The following ABL2 variants were observed in gnomAD, a reference collection of about 807,000 sequenced individuals.
The protein encoded by ABL2 is ABL proto-oncogene 2, non-receptor tyrosine kinase, also known as tyrosine-protein kinase ABL2.
A neutral mutation model predicts 107.7 loss-of-function variants in ABL2; 49 were observed. That is an observed-to-expected ratio of 0.45 (90% confidence interval 0.36 to 0.58). The LOEUF (loss-of-function observed/expected upper bound fraction) is 0.58. Among genes scored for constraint, ABL2 ranks in the 20% least tolerant of loss-of-function variants. The pLI, the probability that ABL2 is intolerant of heterozygous loss-of-function variation, is 0.00. For synonymous variants in ABL2, 549 were observed against 548.6 expected (o/e 1.00, Z -0.01); for missense variants, 1,245 against 1,457.0 (o/e 0.85, Z 2.37).
chr1:179,209,913 C>T (rs185214866), intron 1 of ABL2, among the ~76,000 whole-genome samples: 1 of 152,172 alleles, frequency 6.6e-6, no homozygotes, highest in Non-Finnish European at 1.5e-5. Flanking sequence ...TCTCACTCTG[C>T]ACCCAGACTG....
Position 179,103,312 on chromosome 1 carries a change from A to G in ABL2, c.*4406T>C. The G allele has an allele frequency of 4.8e-6, 1 of 206,988 alleles. No homozygotes were observed. The highest frequency in any genetic ancestry group is 7.3e-5 in the East Asian group (1 of 13,608). 12.8% of individuals were successfully genotyped at this position (206,988 alleles called of 1,614,324 possible). A position where few individuals can be genotyped will look rare whatever the true frequency, so the allele number is the denominator to read the frequency against. On this transcript the variant is annotated 3_prime_UTR_variant, in exon 12 of 12. Transcript: ENST00000502732. ...TGACAGAGGTGATTCTTACGTATCT[A>G]CATTTTCAGGTACCCCACAGGGTCC...
intron 1 of ABL2, among the ~76,000 whole-genome samples, chr1:179,155,884 C>T (rs1395020385): frequency 6.6e-6 from 1 of 152,124 alleles, no homozygotes; most frequent in Non-Finnish European, 1.5e-5. Flanking sequence ...GTGTCCTTCC[C>T]TTTGGTTTTT....
intron 3 of ABL2, among the ~76,000 whole-genome samples, chr1:179,130,142 G>A (rs1466247862): frequency 2.0e-5 from 3 of 152,106 alleles, no homozygotes; most frequent in African/African-American, 4.8e-5. Flanking sequence ...GGGTTTCACC[G>A]TGTTGCCCAG....
In ABL2 at chr1:179,100,555, A is replaced by C. The variant is rs1294540536; in HGVS notation, c.*7163T>G. On this transcript the variant is annotated 3_prime_UTR_variant, in exon 12 of 12. Coordinates refer to ENST00000502732, the MANE Select transcript of ABL2 (RefSeq NM_007314.4). ...GCAAATTTAAGCAAGTTCTGACTAC[A>C]CAAACTCCTTATGTTTCCTTTCATA... 4.4e-6 allele frequency: 1 copy of C among 229,294 alleles called. No homozygotes were observed. The highest frequency in any genetic ancestry group is 8.6e-6 in the Non-Finnish European group (1 of 115,674). 14.2% of individuals were successfully genotyped at this position (229,294 alleles called of 1,614,324 possible).
chr1:179,192,581 C>A (rs1292114014), intron 1 of ABL2, among the ~76,000 whole-genome samples: 1 of 152,052 alleles, frequency 6.6e-6, no homozygotes, highest in African/African-American at 2.4e-5. Context: ...CTGTAAGTAC[C>A]AGAAAAATCA....
chr1:179,113,207 C>A (rs532599164), intron 9 of ABL2, among the ~76,000 whole-genome samples: 1 of 152,296 alleles, frequency 6.6e-6, no homozygotes, highest in Non-Finnish European at 1.5e-5. Context: ...AGCCACTGCA[C>A]CTGGCCATTA....
intron 1 of ABL2, among the ~76,000 whole-genome samples, chr1:179,219,383 A>G (rs1046623922): frequency 6.6e-6 from 1 of 152,192 alleles, no homozygotes; most frequent in Admixed American, 6.5e-5. Context: ...TCCAGAGGTA[A>G]AAATAACACA....
At chr1:179,133,453 C>G (rs912837260) in intron 1 of ABL2, 79 bp from the exon 2 acceptor site, 4 of 1,610,750 alleles carry the variant, frequency 2.5e-6, no homozygotes, top group Non-Finnish European at 8.5e-7. Flanking sequence ...GTCTCCTTTT[C>G]ATGGCATTCA....
chr1:179,135,235 G>A (rs903268977), intron 1 of ABL2, among the ~76,000 whole-genome samples: 72 of 151,658 alleles, frequency 4.7e-4, no homozygotes, highest in Admixed American at 1.6e-3. Context: ...TGCCCAGTCT[G>A]GAAAGTGAGG....
Position 179,133,383 on chromosome 1 carries a change from G to GA in ABL2, c.158-10dup. 1 of 1,613,828 alleles carries GA rather than the reference G, an allele frequency of 6.2e-7. No individual in the cohort carries two copies. The highest frequency in any genetic ancestry group is 8.5e-7 in the Non-Finnish European group (1 of 1,179,938). ...ACAGCTGGCAAAGTGATCTATTTAA[G>GA]AAAAAAATTGACCACGTCACTTTTC... On this transcript the variant is annotated splice_polypyrimidine_tract_variant and intron_variant, in intron 1 of 11. Coordinates refer to ENST00000502732, the MANE Select transcript of ABL2 (RefSeq NM_007314.4).
chr1:179,136,104 T>G (rs1572677875), intron 1 of ABL2, among the ~76,000 whole-genome samples: 1 of 138,668 alleles, frequency 7.2e-6, no homozygotes, highest in African/African-American at 2.8e-5. Flanking sequence ...CAGCCCCCCG[T>G]CCGGCCAGCC....
chr1:179,191,413 CTTTTTTT>C (rs35362624), intron 1 of ABL2, among the ~76,000 whole-genome samples: 799 of 77,312 alleles, frequency 0.01, 7 homozygotes, highest in African/African-American at 0.039. Context: ...TATGAAATCC[CTTTTTTT>C]TTTTTTTTTT....
At chr1:179,186,989 C>G (rs762601331) in intron 1 of ABL2, among the ~76,000 whole-genome samples, 1 of 152,142 alleles carries the variant, frequency 6.6e-6, no homozygotes, top group Admixed American at 6.6e-5. Flanking sequence ...CACCTGCCCC[C>G]ACAAAGTGCT....
intron 10 of ABL2, among the ~76,000 whole-genome samples, chr1:179,111,281 CTTTTTTTTTT>C (rs748453531): frequency 9.7e-5 from 8 of 82,272 alleles, no homozygotes; most frequent in South Asian, 4.7e-4. Context: ...AGTGCTCAGT[CTTTTTTTTTT>C]TTTTTTTTTT....
chr1:179,132,395 AAC>A lies in ABL2; in HGVS notation c.220+915_221-915del, dbSNP rs1422308190. ...CACAGCCCAGATCGATTATACAAAAAACAGTTTTTCCAGTATCAATTTTCTTG... is the reference window on the plus strand; with the variant it reads ...CACAGCCCAGATCGATTATACAAAAAAGTTTTTCCAGTATCAATTTTCTTG... On this transcript the variant is annotated intron_variant, in intron 2 of 11. Transcript: ENST00000502732. 1.1e-4 allele frequency among the ~76,000 whole-genome samples: 17 copies of A among 152,318 alleles called. No homozygotes were observed. The East Asian group carries it at 1.5e-3, about 14-fold the overall frequency.
intron 1 of ABL2, among the ~76,000 whole-genome samples, chr1:179,140,840 C>A (rs1657507627): frequency 6.6e-6 from 1 of 152,096 alleles, no homozygotes; most frequent in South Asian, 2.1e-4. Context: ...TCAAGACCAG[C>A]CTGGGCAACA....
intron 1 of ABL2, among the ~76,000 whole-genome samples, chr1:179,178,550 G>T (rs1161250245): frequency 6.6e-6 from 1 of 152,040 alleles, no homozygotes; most frequent in Non-Finnish European, 1.5e-5. Flanking sequence ...TAGGAACAGA[G>T]AGAATAAAAA....
intron 1 of ABL2, among the ~76,000 whole-genome samples, chr1:179,191,669 C>G (rs1020560344): frequency 6.6e-6 from 1 of 152,022 alleles, no homozygotes; most frequent in East Asian, 1.9e-4. Context: ...TGATATCCAC[C>G]CACTTCGGCC....
intron 4 of ABL2, 81 bp from the exon 5 acceptor site, chr1:179,121,948 T>TG: frequency 8.4e-7 from 1 of 1,193,088 alleles, no homozygotes; most frequent in Non-Finnish European, 1.1e-6. Context: ...TTTTTTGAGA[T>TG]GGAGTCTTGT....
Sources: allele counts gnomAD v4.1 joint callset (sites outside exome capture counted in the v4.1 genomes callset), GRCh38; gene constraint gnomAD v4.1.1; transcripts MANE v1.5; gene names NCBI Gene and HGNC (gene_info 2026-07-23, HGNC 2026-07-21).